The following HYAL3 variants were observed in gnomAD, a reference collection of about 807,000 sequenced individuals.
HYAL3 encodes the protein hyaluronidase 3, also known as hyaluronidase-3.
HYAL3 carries 25 observed loss-of-function variants against 29.6 expected under a neutral mutation model. The ratio of observed to expected loss-of-function variants is 0.85; its 90% confidence interval spans 0.62 to 1.18. The LOEUF (loss-of-function observed/expected upper bound fraction) is 1.18, where lower values mean the gene tolerates loss of function less well. HYAL3 is among the 50% of genes most tolerant of loss of function. The pLI, the probability that HYAL3 is intolerant of heterozygous loss-of-function variation, is 0.00. For synonymous variants in HYAL3, 215 were observed against 218.3 expected (o/e 0.99, Z 0.13); for missense variants, 442 against 548.4 (o/e 0.81, Z 1.94).
chr3:50,293,194 A>C lies in HYAL3; in HGVS notation c.*52T>G. The C allele has an allele frequency of 6.2e-7, 1 of 1,609,528 alleles. No individual in the cohort carries two copies. The highest frequency in any genetic ancestry group is 8.5e-7 in the Non-Finnish European group (1 of 1,177,048). ...AAGAGTGGGACAGAGTAGTTCCAGGACTGGAAAAGTGGCAGCAGGGAAAAG... is the reference window on the plus strand; with the variant it reads ...AAGAGTGGGACAGAGTAGTTCCAGGCCTGGAAAAGTGGCAGCAGGGAAAAG... On this transcript the variant is annotated 3_prime_UTR_variant, in exon 4 of 4. Coordinates refer to ENST00000336307, the MANE Select transcript of HYAL3 (RefSeq NM_003549.4).
At chr3:50,298,942 AC>A in intron 1 of HYAL3, 1 of 1,415,626 alleles carries the variant, frequency 7.1e-7, no homozygotes, top group Non-Finnish European at 9.2e-7. Flanking sequence ...TGCCGACCCC[AC>A]CCACTGTGGG....
chr3:50,292,867 A>G lies in HYAL3; in HGVS notation c.*379T>C. The G allele has an allele frequency of 6.7e-7, 1 of 1,489,460 alleles. No individual in the cohort carries two copies. Among genetic ancestry groups the G allele is most frequent in the Non-Finnish European group, 9.0e-7 (1 of 1,110,720 alleles). The allele number at this position is 1,489,460 out of a possible 1,614,324, so 92.3% of individuals were successfully genotyped here. On this transcript the variant is annotated 3_prime_UTR_variant, in exon 4 of 4. Transcript: ENST00000336307. ...AAGTGACTTTATGATGAAAGAGTGCAGACAACAGCTTAGCACTTTACCGAC... is the reference window on the plus strand; with the variant it reads ...AAGTGACTTTATGATGAAAGAGTGCGGACAACAGCTTAGCACTTTACCGAC...
In HYAL3 at chr3:50,295,607, C is replaced by G. The variant is rs782547212; in HGVS notation, c.-5G>C. The G allele has an allele frequency of 6.5e-7, 1 of 1,536,382 alleles. No individual in the cohort carries two copies. The highest frequency in any genetic ancestry group is 8.8e-7 in the Non-Finnish European group (1 of 1,140,664). ...TGGGCCCAGTTGCGTGGTCATTCCC[C>G]AAGGATGGAAACCTGCAGGAGAGAG... is the stretch of plus-strand genomic sequence containing the variant. On this transcript the variant is annotated 5_prime_UTR_variant, in exon 2 of 4. Coordinates refer to ENST00000336307, the MANE Select transcript of HYAL3 (RefSeq NM_003549.4).
At chr3:50,296,264 G>A (rs1267374677) in intron 1 of HYAL3, 4 of 336,230 alleles carry the variant, frequency 1.2e-5, no homozygotes, top group African/African-American at 8.6e-5. Context: ...CAGGTGGGGG[G>A]TAAAGGCAAA....
At chr3:50,298,085 T>C in intron 1 of HYAL3, 2 of 985,432 alleles carry the variant, frequency 2.0e-6, no homozygotes, top group Non-Finnish European at 2.4e-6. Context: ...AGTCCACCAC[T>C]AGGGCATGGG....
Position 50,295,374 on chromosome 3 carries a change from G to T in HYAL3, c.229C>A (p.Gln77Lys), listed in dbSNP as rs781939755. ...CCAAAGTAGGGATAGAGGCCGAGTT[G>T]GTTCTTGTAGAAAATGGTCATGTTC... ...GQNMTIFYKN[Q>K]LGLYPYFGPR... The change falls in exon 2 of 4, where the codon CAA becomes AAA. Residue 77 changes from glutamine to lysine, a missense_variant. By Grantham distance (53) the Gln-to-Lys change is moderately conservative. Coordinates refer to ENST00000336307, the MANE Select transcript of HYAL3 (RefSeq NM_003549.4). The T allele has an allele frequency of 6.2e-7, 1 of 1,614,202 alleles. No individual in the cohort carries two copies. The highest frequency in any genetic ancestry group is 8.5e-7 in the Non-Finnish European group (1 of 1,180,044).
chr3:50,295,205 G>A lies in HYAL3; in HGVS notation c.398C>T (p.Pro133Leu), dbSNP rs782475624. Residue 133 changes from proline (P) to leucine (L), a missense_variant, in exon 2 of 4, where the codon CCA becomes CTA. Physicochemically the swap from Pro to Leu is moderately conservative, Grantham distance 98. Transcript: ENST00000336307. The part of the protein sequence containing the change: ...PAVLDWEEWC[P>L]LWAGNWGRRR... ...GCGGCCCCAGTTCCCAGCCCAGAGT[G>A]GACACCACTCCTCCCAATCCAGCAC... 24 of 1,613,410 alleles carry A rather than the reference G, an allele frequency of 1.5e-5. No individual in the cohort carries two copies. Among genetic ancestry groups the A allele is most frequent in the Non-Finnish European group, 1.8e-5 (21 of 1,180,036 alleles).
At chr3:50,296,525 A>G in intron 1 of HYAL3, 1 of 1,508,112 alleles carries the variant, frequency 6.6e-7, no homozygotes, top group Non-Finnish European at 9.1e-7. Context: ...GGGCTGAGGT[A>G]TGGTCAGTGG....
At position 50,293,248 on chromosome 3, in the gene HYAL3, A is replaced by G; in HGVS notation, c.1252T>C (p.Ter418GlnextTer57). The change falls in exon 4 of 4, where the codon TAA (stop) becomes CAA (glutamine). Residue 418 changes from the stop codon to glutamine, a stop_lost. Transcript: ENST00000336307. ...AGGCAGTGGCAGGGGCCCTGGCTTT[A>G]TACTGCTTCTTTAGGCCCAGGCCTG... ...EPRPGPKEAV[*>Q] The G allele has an allele frequency of 1.2e-6, 2 of 1,613,052 alleles. No homozygotes were observed. The highest frequency in any genetic ancestry group is 1.7e-6 in the Non-Finnish European group (2 of 1,180,008).
At chr3:50,295,790 A>C in intron 1 of HYAL3, 171 bp from the exon 2 acceptor site, 4 of 398,634 alleles carry the variant, frequency 1.0e-5, no homozygotes, top group Non-Finnish European at 8.8e-6. Context: ...GCCACACCGC[A>C]AGCTGGCTAT....
At position 50,299,213 on chromosome 3, in the gene HYAL3, A is replaced by C. The variant is rs782539688; in HGVS notation, c.-18T>G. On this transcript the variant is annotated splice_region_variant and 5_prime_UTR_variant, in exon 1 of 4. The change abolishes an upstream ATG in the 5' untranslated region. Transcript: ENST00000336307. ...CAAATGGGAAGGGTGCGGTACTGAC[A>C]TGTTGATGCTGGCCTCTGGGATGTT... is the stretch of plus-strand genomic sequence containing the variant. 1.2e-6 allele frequency: 2 copies of C among 1,614,128 alleles called. No individual in the cohort carries two copies. Among genetic ancestry groups the C allele is most frequent in the Non-Finnish European group, 1.7e-6 (2 of 1,179,998 alleles).
In HYAL3 at chr3:50,297,274, G is replaced by A; in HGVS notation, c.-17-1655C>T. 3 of 1,607,022 alleles carry A rather than the reference G, an allele frequency of 1.9e-6. No homozygotes were observed. The highest frequency in any genetic ancestry group is 1.7e-4 in the Middle Eastern group (1 of 6,024). Reference sequence around the variant, plus strand: ...AGGAGCTCGGGTCGGCGGTGCACAGGCTCCAGGGTCAACTCAGCCAGGCTA... The same window carrying A: ...AGGAGCTCGGGTCGGCGGTGCACAGACTCCAGGGTCAACTCAGCCAGGCTA... On this transcript the variant is annotated intron_variant, in intron 1 of 3. Transcript: ENST00000336307. This position sits in a 1 kb window ranked among gnomAD's most constrained non-coding sequence, Gnocchi z 4.3.
In HYAL3 at chr3:50,295,562, G is replaced by A. The variant is rs782052254; in HGVS notation, c.41C>T (p.Ala14Val). The A allele has an allele frequency of 1.4e-5, 22 of 1,572,778 alleles. No individual in the cohort carries two copies. The highest frequency in any genetic ancestry group is 4.0e-4 in the Middle Eastern group (2 of 4,950). ...GGGCTGGCCACAACCCAGGCACAGGGCCACCCCCAGCACCAGGGCTGGGCC... is the reference window on the plus strand; with the variant it reads ...GGGCTGGCCACAACCCAGGCACAGGACCACCCCCAGCACCAGGGCTGGGCC... ...QLGPALVLGV[A>V]LCLGCGQPLP... Residue 14 changes from alanine to valine, a missense_variant, in exon 2 of 4, where the codon GCC (alanine) becomes GTC (valine). Coordinates refer to ENST00000336307, the MANE Select transcript of HYAL3 (RefSeq NM_003549.4).
In HYAL3 at chr3:50,297,078, A is replaced by T. The variant is rs1559810698; in HGVS notation, c.-17-1459T>A. On this transcript the variant is annotated intron_variant, in intron 1 of 3. Coordinates refer to ENST00000336307, the MANE Select transcript of HYAL3 (RefSeq NM_003549.4). This position sits in a 1 kb window ranked among gnomAD's most constrained non-coding sequence, Gnocchi z 4.3. The stretch of plus-strand genomic sequence containing the variant: ...TAAGAGGCTCTGGGGCTGGTTCAGC[A>T]CCCGTGACAGGCGGGCATGGCCCAC... The T allele has an allele frequency of 6.5e-7, 1 of 1,538,712 alleles. No individual in the cohort carries two copies. The highest frequency in any genetic ancestry group is 8.7e-7 in the Non-Finnish European group (1 of 1,142,866).
At position 50,294,917 on chromosome 3, in the gene HYAL3, G is replaced by A; in HGVS notation, c.686C>T (p.Thr229Ile). Residue 229 changes from threonine (T) to isoleucine (I), a missense_variant, in exon 2 of 4, where the codon ACT becomes ATT. By Grantham distance (89) the Thr-to-Ile change is moderately conservative (BLOSUM62 -1). Coordinates refer to ENST00000336307, the MANE Select transcript of HYAL3 (RefSeq NM_003549.4). ...RCHAATLARN[T>I]QLHWLWAASS... ...GGCGGCCCAGAGCCAATGCAGTTGA[G>A]TGTTGCGGGCAAGGGTGGCTGCATG... The A allele has an allele frequency of 6.3e-7, 1 of 1,594,456 alleles. No individual in the cohort carries two copies. The highest frequency in any genetic ancestry group is 8.6e-7 in the Non-Finnish European group (1 of 1,165,754).
chr3:50,298,519 C>T (rs1234622794), intron 1 of HYAL3, among the ~76,000 whole-genome samples: 1 of 151,440 alleles, frequency 6.6e-6, no homozygotes, highest in African/African-American at 2.4e-5. Flanking sequence ...ATAAGGACCA[C>T]AGCTTCCTTC....
rs782222075 is a variant in HYAL3, at chr3:50,297,620, A to G, written c.-18+1593T>C. ...GTGGCTCAGTGCCAGGCTGGAGGTT[A>G]AGACCCCAGTCTCCAGGCAGTAGCA... On this transcript the variant is annotated intron_variant, in intron 1 of 3. Transcript: ENST00000336307. The surrounding 1 kb of genome is among the most constrained non-coding windows in gnomAD (Gnocchi z 4.3). 3 of 1,473,944 alleles carry G rather than the reference A, an allele frequency of 2.0e-6. No homozygotes were observed. The highest frequency in any genetic ancestry group is 2.3e-4 in the Middle Eastern group (1 of 4,308). 91.3% of individuals were successfully genotyped at this position (1,473,944 alleles called of 1,614,324 possible).
chr3:50,293,482 C>A lies in HYAL3; in HGVS notation c.1018G>T (p.Asp340Tyr). The change falls in exon 4 of 4, where the codon GAC (aspartate) becomes TAC (tyrosine). Residue 340 changes from aspartate (D) to tyrosine (Y), a missense_variant. Transcript: ENST00000336307. ...TTGATCACATAGGGGCCCAAGGTGT[C>A]CACCAGGTAGTCATGGAGATGCCAG... ...ECWHLHDYLVDTLGPYVINVT... is the reference protein window; with the variant it reads ...ECWHLHDYLVYTLGPYVINVT... The A allele has an allele frequency of 6.2e-7, 1 of 1,613,470 alleles. No individual in the cohort carries two copies. The highest frequency in any genetic ancestry group is 8.5e-7 in the Non-Finnish European group (1 of 1,179,712).
At position 50,292,837 on chromosome 3, in the gene HYAL3, GA is replaced by G. The variant is rs1228467241; in HGVS notation, c.*408del. 3.3e-6 allele frequency: 5 copies of G among 1,501,976 alleles called. No individual in the cohort carries two copies. Among genetic ancestry groups the G allele is most frequent in the African/African-American group, 1.4e-5 (1 of 72,854 alleles). 93.0% of individuals were successfully genotyped at this position (1,501,976 alleles called of 1,614,324 possible). A position where few individuals can be genotyped will look rare whatever the true frequency, so the allele number is the denominator to read the frequency against. On this transcript the variant is annotated 3_prime_UTR_variant, in exon 4 of 4. Coordinates refer to ENST00000336307, the MANE Select transcript of HYAL3 (RefSeq NM_003549.4). Reference sequence around the variant, plus strand: ...AGCAACAGCCAAACCTCAGGCAGTGGAAAAAAGTGACTTTATGATGAAAGAG... The same window carrying G: ...AGCAACAGCCAAACCTCAGGCAGTGGAAAAAGTGACTTTATGATGAAAGAG...
Sources: allele counts gnomAD v4.1 joint callset (sites outside exome capture counted in the v4.1 genomes callset), GRCh38; gene constraint gnomAD v4.1.1; non-coding constraint Gnocchi (gnomAD v3.1); transcripts MANE v1.5; gene names NCBI Gene and HGNC (gene_info 2026-07-23, HGNC 2026-07-21).